KCNT2: variants seen among roughly 807,000 people sequenced by gnomAD.
KCNT2 encodes potassium sodium-activated channel subfamily T member 2.
A neutral mutation model predicts 153.8 loss-of-function variants in KCNT2; 67 were observed. The ratio of observed to expected loss-of-function variants is 0.44; its 90% CI spans 0.36 to 0.53. The LOEUF is 0.53. KCNT2 is among the 20% of genes least tolerant of loss of function. KCNT2 has a pLI of 0.00. For missense variants in KCNT2, 975 were observed against 1,354.8 expected (o/e 0.72, Z 4.40); for synonymous variants, 500 against 458.8 (o/e 1.09, Z -1.15).
At chr1:196,605,040 T>A (rs1288867319) in intron 1 of KCNT2, among the ~76,000 whole-genome samples, 2 of 152,198 alleles carry the variant, frequency 1.3e-5, no homozygotes, top group African/African-American at 4.8e-5. Flanking sequence ...TGAGCATCTA[T>A]CATATGCTTC....
rs148714735 is a variant in KCNT2, at chr1:196,472,183, C to T, written c.385-3115G>A. ...GCTTGTTGGGGCTCAATTAATATCA[C>T]GAATGAGTAAATGATACTCCCAGCT... On this transcript the variant is annotated intron_variant, in intron 5 of 27. Transcript: ENST00000294725. 6.2e-3 allele frequency among the ~76,000 whole-genome samples: 946 copies of T among 152,168 alleles called. 3 individuals are homozygous for T. The highest frequency in any genetic ancestry group is 0.01 in the Admixed American group (157 of 15,286).
At chr1:196,506,138 A>C (rs1442312706) in intron 1 of KCNT2, among the ~76,000 whole-genome samples, 2 of 152,110 alleles carry the variant, frequency 1.3e-5, no homozygotes, top group African/African-American at 4.8e-5. Context: ...TTTATTCTGT[A>C]GTATAGTGTA....
Position 196,433,058 on chromosome 1 carries a change from TG to T in KCNT2, c.639-3302del, listed in dbSNP as rs552551221. On this transcript the variant is annotated intron_variant, in intron 8 of 27. Transcript: ENST00000294725. The stretch of plus-strand genomic sequence containing the variant: ...TAGAATTAGCAACCTTATAAAATTG[TG>T]GGTGAGAACCAGCTGGGCTGTTTTT... 1.3e-3 allele frequency among the ~76,000 whole-genome samples: 198 copies of T among 152,176 alleles called. 1 individual carries two copies. Among genetic ancestry groups the T allele is most frequent in the African/African-American group, 4.2e-3 (173 of 41,540 alleles).
At chr1:196,543,821 G>GA (rs1656704598) in intron 1 of KCNT2, among the ~76,000 whole-genome samples, 1 of 152,082 alleles carries the variant, frequency 6.6e-6, no homozygotes, top group Non-Finnish European at 1.5e-5. Flanking sequence ...AGCCACGCTG[G>GA]AAAAAACAGT....
intron 25 of KCNT2, among the ~76,000 whole-genome samples, chr1:196,272,865 C>T (rs963752686): frequency 2.6e-5 from 4 of 151,768 alleles, no homozygotes; most frequent in African/African-American, 9.7e-5. Context: ...TAAAGATAAC[C>T]TTCTGTTATA....
At chr1:196,294,177 GCTA>G (rs762044740) in intron 22 of KCNT2, among the ~76,000 whole-genome samples, 22 of 152,158 alleles carry the variant, frequency 1.4e-4, no homozygotes, top group Non-Finnish European at 2.2e-4. Flanking sequence ...TGTTAGAATG[GCTA>G]CTATCAAAAA....
chr1:196,351,983 T>C (rs1331247100), intron 14 of KCNT2, among the ~76,000 whole-genome samples: 2 of 152,212 alleles, frequency 1.3e-5, no homozygotes, highest in Non-Finnish European at 2.9e-5. Flanking sequence ...TTGTCTTTGG[T>C]TCTGTTTATA....
At chr1:196,349,866 G>T (rs1162711435) in intron 14 of KCNT2, among the ~76,000 whole-genome samples, 1 of 150,990 alleles carries the variant, frequency 6.6e-6, no homozygotes, top group South Asian at 2.1e-4. Flanking sequence ...CCTTCCCCCA[G>T]CCCACAACAG....
At chr1:196,548,781 T>G (rs533959812) in intron 1 of KCNT2, among the ~76,000 whole-genome samples, 1 of 152,136 alleles carries the variant, frequency 6.6e-6, no homozygotes, top group African/African-American at 2.4e-5. Context: ...ATAGACTGGA[T>G]TAAGAAAATG....
chr1:196,455,246 G>GAAGT (rs1676561298), intron 8 of KCNT2, among the ~76,000 whole-genome samples: 1 of 151,892 alleles, frequency 6.6e-6, no homozygotes. Context: ...TTACATCTTT[G>GAAGT]AAGTCCCTTT....
chr1:196,514,357 T>G (rs1191550351), intron 1 of KCNT2, among the ~76,000 whole-genome samples: 1 of 152,180 alleles, frequency 6.6e-6, no homozygotes, highest in Non-Finnish European at 1.5e-5. Context: ...AGTCATCCCT[T>G]CTTTTTATGT....
chr1:196,361,204 GAC>G lies in KCNT2; in HGVS notation c.1403+11934_1403+11935del, dbSNP rs34251987. Among the ~76,000 whole-genome samples, 24 of 149,068 alleles carry G rather than the reference GAC, an allele frequency of 1.6e-4. No individual in the cohort carries two copies. The East Asian group carries it at 2.2e-3, about 13-fold the overall frequency. Reference sequence around the variant, plus strand: ...GCAACGCCCTCTCCAACAGACACCAGACACACACACACACACACACAAAGCAT... The same window carrying G: ...GCAACGCCCTCTCCAACAGACACCAGACACACACACACACACACAAAGCAT... On this transcript the variant is annotated intron_variant, in intron 14 of 27. Coordinates refer to ENST00000294725, the MANE Select transcript of KCNT2 (RefSeq NM_198503.5).
At chr1:196,368,967 C>CT (rs950758120) in intron 14 of KCNT2, among the ~76,000 whole-genome samples, 1 of 152,048 alleles carries the variant, frequency 6.6e-6, no homozygotes, top group African/African-American at 2.4e-5. Flanking sequence ...AGGAGATTTT[C>CT]TTTTTTTCCC....
rs1045027190 is a variant in KCNT2, at chr1:196,436,378, A to C, written c.639-6621T>G. ...AAGGAAGAGAAGAAAGTGTGCCTTC[A>C]GGACAGGTAGATACACAGACAGTTG... On this transcript the variant is annotated intron_variant, in intron 8 of 27. Coordinates refer to ENST00000294725, the MANE Select transcript of KCNT2 (RefSeq NM_198503.5). Among the ~76,000 whole-genome samples, 4 of 151,758 alleles carry C rather than the reference A, an allele frequency of 2.6e-5. 1 individual carries two copies. Among genetic ancestry groups the C allele is most frequent in the Admixed American group, 6.6e-5 (1 of 15,176 alleles).
At chr1:196,482,903 T>A (rs1484784753) in intron 3 of KCNT2, among the ~76,000 whole-genome samples, 1 of 152,108 alleles carries the variant, frequency 6.6e-6, no homozygotes, top group Admixed American at 6.6e-5. Context: ...CAAGGAGTAA[T>A]CATCTTTATT....
At chr1:196,418,349 CAAAT>C (rs1253059537) in intron 12 of KCNT2, among the ~76,000 whole-genome samples, 3 of 151,936 alleles carry the variant, frequency 2.0e-5, no homozygotes, top group African/African-American at 4.8e-5. Context: ...AGACAACAAA[CAAAT>C]AAATAAACAA....
chr1:196,495,932 C>T (rs894954669), intron 1 of KCNT2, among the ~76,000 whole-genome samples: 5 of 151,936 alleles, frequency 3.3e-5, no homozygotes, highest in African/African-American at 1.2e-4. Flanking sequence ...GTTATATATT[C>T]TTTGTGACAC....
intron 1 of KCNT2, among the ~76,000 whole-genome samples, chr1:196,592,727 A>G (rs1663529720): frequency 6.8e-6 from 1 of 147,182 alleles, no homozygotes; most frequent in South Asian, 2.1e-4. Context: ...ATATATATAT[A>G]CATATATATA....
At chr1:196,564,471 CATT>C (rs1659833064) in intron 1 of KCNT2, among the ~76,000 whole-genome samples, 1 of 151,730 alleles carries the variant, frequency 6.6e-6, no homozygotes, top group Non-Finnish European at 1.5e-5. Flanking sequence ...ATTCTAATGA[CATT>C]ATTCACAGAA....
Sources: allele counts gnomAD v4.1 joint callset (sites outside exome capture counted in the v4.1 genomes callset), GRCh38; gene constraint gnomAD v4.1.1; transcripts MANE v1.5; gene names NCBI Gene and HGNC (gene_info 2026-07-23, HGNC 2026-07-21).